CCSER1: variants seen among roughly 807,000 people sequenced by gnomAD.
CCSER1 encodes the protein coiled-coil serine rich protein 1.
A neutral mutation model predicts 82.0 loss-of-function variants in CCSER1; 41 were observed. The ratio of observed to expected loss-of-function variants is 0.50; its 90% CI spans 0.39 to 0.65. The LOEUF is 0.65. Ranked by LOEUF, CCSER1 falls within the 30% of genes least tolerant of loss-of-function variation. The probability of loss-of-function intolerance (pLI) is 0.00; values close to 1 mark genes in which losing one functional copy is unlikely to be tolerated. For missense variants in CCSER1, 1,119 were observed against 1,064.2 expected (o/e 1.05, Z -0.72); for synonymous variants, 414 against 383.9 (o/e 1.08, Z -0.92).
intron 10 of CCSER1, among the ~76,000 whole-genome samples, chr4:91,142,318 G>C (rs1729119199): frequency 1.3e-5 from 2 of 152,130 alleles, no homozygotes; most frequent in African/African-American, 4.8e-5. Flanking sequence ...TGCCATGATT[G>C]TGAGGTCTCC....
At chr4:90,369,906 T>C (rs893707799) in intron 3 of CCSER1, among the ~76,000 whole-genome samples, 3 of 152,106 alleles carry the variant, frequency 2.0e-5, no homozygotes, top group Admixed American at 1.3e-4. Context: ...TGAAAACTTT[T>C]CAGTTTATTA....
chr4:91,544,601 T>C (rs1761783921), intron 10 of CCSER1, among the ~76,000 whole-genome samples: 5 of 152,162 alleles, frequency 3.3e-5, no homozygotes, highest in Admixed American at 3.3e-4. Context: ...TGCCTGGGCA[T>C]CACCAGTGGA....
At chr4:90,239,797 CT>C (rs1746503453) in intron 1 of CCSER1, among the ~76,000 whole-genome samples, 3 of 152,046 alleles carry the variant, frequency 2.0e-5, no homozygotes, top group Admixed American at 2.0e-4. Flanking sequence ...TTTATTTGTT[CT>C]TAGTTGTAGC....
chr4:90,427,700 A>C (rs1424296425), intron 4 of CCSER1, among the ~76,000 whole-genome samples: 2 of 151,740 alleles, frequency 1.3e-5, no homozygotes, highest in Non-Finnish European at 3.0e-5. Flanking sequence ...GAGAATATGC[A>C]CATGATCAAA....
chr4:90,526,558 TC>T (rs1255328527), intron 5 of CCSER1, among the ~76,000 whole-genome samples: 4 of 152,072 alleles, frequency 2.6e-5, no homozygotes, highest in Non-Finnish European at 5.9e-5. Flanking sequence ...TAGCCCACCA[TC>T]CCCCACCTGT....
Position 90,449,338 on chromosome 4 carries a change from G to A in CCSER1, c.1604-18896G>A, listed in dbSNP as rs116618271. Among the ~76,000 whole-genome samples the A allele has an allele frequency of 8.0e-3, 1,221 of 152,288 alleles. 14 individuals carry two copies. The highest frequency in any genetic ancestry group is 0.028 in the African/African-American group (1,172 of 41,556). On this transcript the variant is annotated intron_variant, in intron 4 of 10. Transcript: ENST00000509176. ...CTGATGGGTTCATGGGTGGCCATGG[G>A]CAGGCCTGGAAAAAGCACAGTAAAT...
At chr4:90,298,939 C>T (rs1200745201) in intron 1 of CCSER1, among the ~76,000 whole-genome samples, 1 of 152,050 alleles carries the variant, frequency 6.6e-6, no homozygotes. Flanking sequence ...CTTCTTTCTT[C>T]TTTTACCACT....
At chr4:90,907,982 C>T (rs1412700342) in intron 8 of CCSER1, among the ~76,000 whole-genome samples, 1 of 152,064 alleles carries the variant, frequency 6.6e-6, no homozygotes, top group Non-Finnish European at 1.5e-5. Context: ...ATTCTCTCAT[C>T]CACCCAATTC....
chr4:90,373,917 C>T (rs1747881434), intron 3 of CCSER1, among the ~76,000 whole-genome samples: 1 of 152,108 alleles, frequency 6.6e-6, no homozygotes. Context: ...TACAGATGTC[C>T]CCCTTTGCAT....
intron 5 of CCSER1, among the ~76,000 whole-genome samples, chr4:90,624,277 A>G (rs1722886435): frequency 6.6e-6 from 1 of 152,196 alleles, no homozygotes; most frequent in African/African-American, 2.4e-5. Flanking sequence ...TGCAACTGAC[A>G]TGATCTTGTA....
intron 9 of CCSER1, among the ~76,000 whole-genome samples, chr4:90,954,041 G>A (rs1206508221): frequency 1.7e-5 from 2 of 119,670 alleles, no homozygotes; most frequent in African/African-American, 5.9e-5. Context: ...TTACCAATTT[G>A]GAAAATGTTT....
chr4:90,182,594 G>A (rs559258774), intron 1 of CCSER1, among the ~76,000 whole-genome samples: 1 of 152,238 alleles, frequency 6.6e-6, no homozygotes, highest in East Asian at 1.9e-4. Context: ...GAAAAGAATT[G>A]ACTAATTATT....
At chr4:91,356,639 TCCACCACAATA>T (rs971581607) in intron 10 of CCSER1, among the ~76,000 whole-genome samples, 3 of 152,156 alleles carry the variant, frequency 2.0e-5, no homozygotes, top group Non-Finnish European at 4.4e-5. Flanking sequence ...CCAGTAAAAG[TCCACCACAATA>T]CCACCACAAA....
At chr4:91,343,948 G>A (rs889556484) in intron 10 of CCSER1, among the ~76,000 whole-genome samples, 4 of 152,160 alleles carry the variant, frequency 2.6e-5, no homozygotes, top group African/African-American at 9.7e-5. Context: ...ATAATAGGTA[G>A]TACACTGATA....
chr4:90,778,409 G>A (rs1187523350), intron 7 of CCSER1, among the ~76,000 whole-genome samples: 1 of 151,956 alleles, frequency 6.6e-6, no homozygotes, highest in Admixed American at 6.6e-5. Context: ...TGCATGGATA[G>A]ATGTATCTCT....
intron 7 of CCSER1, among the ~76,000 whole-genome samples, chr4:90,771,038 C>T (rs1019685601): frequency 1.9e-4 from 29 of 152,040 alleles, no homozygotes; most frequent in African/African-American, 6.0e-4. Context: ...GATTATCCTC[C>T]AAGTACAGAA....
chr4:90,514,708 A>T (rs981498497), intron 5 of CCSER1, among the ~76,000 whole-genome samples: 4 of 152,130 alleles, frequency 2.6e-5, no homozygotes, highest in Non-Finnish European at 2.9e-5. Flanking sequence ...GTGAGCTGGG[A>T]TCGTGCCACT....
chr4:90,202,650 A>G (rs1476749633), intron 1 of CCSER1, among the ~76,000 whole-genome samples: 1 of 152,118 alleles, frequency 6.6e-6, no homozygotes, highest in Non-Finnish European at 1.5e-5. Flanking sequence ...TGCATTTTGT[A>G]TTTTCAGAAG....
intron 1 of CCSER1, among the ~76,000 whole-genome samples, chr4:90,292,545 G>T (rs181472934): frequency 2.1e-4 from 32 of 151,960 alleles, no homozygotes; most frequent in Middle Eastern, 3.4e-3. Context: ...CCAAACCCAA[G>T]ATTCTGTTTT....
Sources: gnomAD v4.1 joint callset for allele counts (sites outside exome capture counted in the v4.1 genomes callset) on GRCh38, gnomAD v4.1.1 for gene constraint, MANE v1.5 for transcripts, NCBI Gene and HGNC (gene_info 2026-07-23, HGNC 2026-07-21) for gene names.